TSPAN4: variants seen among roughly 807,000 people sequenced by gnomAD.
TSPAN4 encodes tetraspanin 4.
A neutral mutation model predicts 31.5 loss-of-function variants in TSPAN4; 38 were observed. The observed-to-expected ratio is 1.21, with a 90% CI of 0.93 to 1.58. TSPAN4 has a LOEUF of 1.58. TSPAN4 is among the 40% of genes most tolerant of loss of function. The pLI is 0.00. For synonymous variants in TSPAN4, 186 were observed against 144.6 expected (o/e 1.29, Z -2.06); for missense variants, 330 against 317.3 (o/e 1.04, Z -0.30).
intron 2 of TSPAN4, among the ~76,000 whole-genome samples, chr11:847,871 A>G (rs1350876421): frequency 1.3e-5 from 2 of 151,974 alleles, no homozygotes; most frequent in Non-Finnish European, 2.9e-5. Context: ...TTCCACCCCC[A>G]GCCACAGAGG....
intron 3 of TSPAN4, chr11:857,859 TCTC>T (rs1308906964): frequency 6.6e-6 from 1 of 152,306 alleles, no homozygotes; most frequent in Non-Finnish European, 1.5e-5. Flanking sequence ...CTGATGGCCA[TCTC>T]CTCTCCTGGG....
intron 3 of TSPAN4, among the ~76,000 whole-genome samples, chr11:854,511 G>A (rs1054764026): frequency 1.3e-5 from 2 of 152,022 alleles, no homozygotes; most frequent in African/African-American, 2.4e-5. Context: ...GCTGATCCCC[G>A]GGGAGACCCC....
chr11:863,985 GGGGCCTC>G, intron 4 of TSPAN4: 1 of 195,986 alleles, frequency 5.1e-6, no homozygotes, highest in Non-Finnish European at 1.1e-5. Context: ...GTGGGCAGAA[GGGGCCTC>G]TGCAGCCCAG....
Position 866,625 on chromosome 11 carries a change from G to T in TSPAN4, c.712G>T (p.Ala238Ser). Residue 238 changes from alanine to serine, a missense_variant, in exon 9 of 9, where the codon GCG becomes TCG. Coordinates refer to ENST00000397397, the MANE Select transcript of TSPAN4 (RefSeq NM_003271.5). ...CQVVKADTYC[A>S] Reference sequence around the variant, plus strand: ...AGTGGTCAAGGCAGACACCTACTGCGCGTAGGCCGCCCACCGCCCGCTTCT... The same window carrying T: ...AGTGGTCAAGGCAGACACCTACTGCTCGTAGGCCGCCCACCGCCCGCTTCT... 1 of 1,612,182 alleles carries T rather than the reference G, an allele frequency of 6.2e-7. No individual in the cohort carries two copies. The highest frequency in any genetic ancestry group is 1.3e-5 in the African/African-American group (1 of 74,992).
At chr11:850,073 C>T (rs886562166) in intron 2 of TSPAN4, 48 of 394,862 alleles carry the variant, frequency 1.2e-4, no homozygotes, top group African/African-American at 8.4e-4. Flanking sequence ...GGCGCAGCCC[C>T]TCTCCGGAGG....
At chr11:856,272 G>C (rs1193935184) in intron 3 of TSPAN4, among the ~76,000 whole-genome samples, 1 of 152,256 alleles carries the variant, frequency 6.6e-6, no homozygotes, top group Non-Finnish European at 1.5e-5. Context: ...TGAAGATCAG[G>C]GTGAGCGAGT....
In TSPAN4 at chr11:864,699, C is replaced by T. The variant is rs1267563098; in HGVS notation, c.330+188C>T. On this transcript the variant is annotated intron_variant, in intron 5 of 8. Transcript: ENST00000397397. ...GCGACCCTGGGAGGCTGTGCTGTGGCTCTATAGCGACTGGGGCACAAGGGC... is the reference window on the plus strand; with the variant it reads ...GCGACCCTGGGAGGCTGTGCTGTGGTTCTATAGCGACTGGGGCACAAGGGC... The T allele has an allele frequency of 3.6e-5, 25 of 694,778 alleles. No individual in the cohort carries two copies. In the East Asian group the frequency reaches 6.8e-4, roughly 19 times the overall value. The allele number at this position is 694,778 out of a possible 1,614,324, so 43.0% of individuals were successfully genotyped here.
intron 3 of TSPAN4, among the ~76,000 whole-genome samples, chr11:850,610 C>CCCTCTCCTCT (rs147749431): frequency 2.3e-4 from 35 of 152,030 alleles, no homozygotes; most frequent in East Asian, 5.8e-4. Context: ...CGCCCTGGTC[C>CCCTCTCCTCT]CCTCTCCTCT....
At chr11:863,442 C>T (rs1022193459) in intron 4 of TSPAN4, 4 of 152,278 alleles carry the variant, frequency 2.6e-5, no homozygotes, top group African/African-American at 9.6e-5. Flanking sequence ...CCTTAGGTCG[C>T]CTCAGCCAGT....
chr11:864,693 C>T, intron 5 of TSPAN4, 182 bp downstream of exon 5: 1 of 729,568 alleles, frequency 1.4e-6, no homozygotes, highest in East Asian at 2.7e-5. Flanking sequence ...GGAGGCTGTG[C>T]TGTGGCTCTA....
chr11:848,254 C>T lies in TSPAN4; in HGVS notation c.-18+954C>T, dbSNP rs535549615. The stretch of plus-strand genomic sequence containing the variant: ...TCTCTGCTGGGCCCCGATGCGTGGC[C>T]GCCGTTCTGACCCATTCCTGGGGCC... On this transcript the variant is annotated intron_variant, in intron 2 of 8. Coordinates refer to ENST00000397397, the MANE Select transcript of TSPAN4 (RefSeq NM_003271.5). This position sits in a 1 kb window ranked among gnomAD's most constrained non-coding sequence, Gnocchi z 5.7. Among the ~76,000 whole-genome samples, 3 of 152,234 alleles carry T rather than the reference C, an allele frequency of 2.0e-5. No individual in the cohort carries two copies. The highest frequency in any genetic ancestry group is 1.9e-4 in the East Asian group (1 of 5,170).
intron 3 of TSPAN4, among the ~76,000 whole-genome samples, chr11:859,369 CCT>C (rs139288531): frequency 1.0e-4 from 1 of 9,992 alleles, no homozygotes; most frequent in South Asian, 3.4e-3. Context: ...ACGCACCCCC[CCT>C]TTCACACGCA....
At position 845,156 on chromosome 11, in the gene TSPAN4, C is replaced by T. The variant is rs1029944997; in HGVS notation, c.-117-2045C>T. 1.2e-4 allele frequency among the ~76,000 whole-genome samples: 18 copies of T among 152,318 alleles called. No homozygotes were observed. In the East Asian group the frequency reaches 1.7e-3, roughly 15 times the overall value. The stretch of plus-strand genomic sequence containing the variant: ...GGGTGTTGAAGGTGTCTGTCCCCAG[C>T]CTCGCCCCCACACCTGTGCTCTCTG... On this transcript the variant is annotated intron_variant, in intron 1 of 8. Transcript: ENST00000397397.
intron 3 of TSPAN4, chr11:862,236 G>A (rs545907605): frequency 3.4e-4 from 128 of 381,550 alleles, no homozygotes; most frequent in Non-Finnish European, 5.2e-4. Flanking sequence ...CTAAGATCCC[G>A]TCCCTTTGGC....
In TSPAN4 at chr11:845,123, C is replaced by T. The variant is rs561072014; in HGVS notation, c.-117-2078C>T. 5.3e-5 allele frequency among the ~76,000 whole-genome samples: 8 copies of T among 152,320 alleles called. No homozygotes were observed. In the South Asian group the frequency reaches 1.7e-3, roughly 32 times the overall value. ...CCGCTGAGGCTGGGCATGACCTTGA[C>T]TGGGAGAGGGTGTTGAAGGTGTCTG... On this transcript the variant is annotated intron_variant, in intron 1 of 8. Coordinates refer to ENST00000397397, the MANE Select transcript of TSPAN4 (RefSeq NM_003271.5).
chr11:851,192 G>A (rs567710324), intron 3 of TSPAN4, among the ~76,000 whole-genome samples: 1 of 152,342 alleles, frequency 6.6e-6, no homozygotes, highest in Admixed American at 6.5e-5. Flanking sequence ...CCGCGACCCT[G>A]TCCTGTCCCT....
chr11:854,478 C>T (rs528117506), intron 3 of TSPAN4, among the ~76,000 whole-genome samples: 5 of 126,762 alleles, frequency 3.9e-5, no homozygotes, highest in Admixed American at 2.6e-4. Flanking sequence ...ATGTGGGAGG[C>T]CTCTCAGTTC....
intron 3 of TSPAN4, among the ~76,000 whole-genome samples, chr11:851,935 G>A (rs1384370776): frequency 6.6e-6 from 1 of 151,806 alleles, no homozygotes; most frequent in Non-Finnish European, 1.5e-5. Context: ...TTTCCCAGGG[G>A]GGGTCTCTCT....
At position 850,602 on chromosome 11, in the gene TSPAN4, C is replaced by G. The variant is rs534882284; in HGVS notation, c.63+235C>G. On this transcript the variant is annotated intron_variant, in intron 3 of 8. Coordinates refer to ENST00000397397, the MANE Select transcript of TSPAN4 (RefSeq NM_003271.5). ...CTGCACTCAGAGCGGCTGCCCCACGCCCTGGTCCCCTCTCCTCTCCTCTCC... is the reference window on the plus strand; with the variant it reads ...CTGCACTCAGAGCGGCTGCCCCACGGCCTGGTCCCCTCTCCTCTCCTCTCC... Among the ~76,000 whole-genome samples the G allele has an allele frequency of 2.6e-5, 4 of 151,126 alleles. No individual in the cohort carries two copies. The East Asian group carries it at 8.0e-4, about 30-fold the overall frequency.
Sources: gnomAD v4.1 joint callset for allele counts (sites outside exome capture counted in the v4.1 genomes callset) on GRCh38, gnomAD v4.1.1 for gene constraint, Gnocchi (gnomAD v3.1) non-coding constraint, MANE v1.5 for transcripts, NCBI Gene and HGNC (gene_info 2026-07-23, HGNC 2026-07-21) for gene names.